The following CDX1 variants were observed in gnomAD, a reference collection of about 807,000 sequenced individuals.
CDX1 encodes homeobox protein CDX-1.
Under a neutral mutation model 16.9 loss-of-function variants are expected in CDX1, and 9 were observed. That is an observed-to-expected ratio of 0.53 (90% confidence interval 0.32 to 0.93). The LOEUF is 0.93. CDX1 is among the 40% of genes least tolerant of loss of function. The pLI, the probability that CDX1 is intolerant of heterozygous loss-of-function variation, is 0.04. For synonymous variants in CDX1, 179 were observed against 179.0 expected, an observed-to-expected ratio of 1.00 and a Z score of 0.00; for missense variants, 393 against 386.1, an observed-to-expected ratio of 1.02 and a Z score of -0.15.
In CDX1 at chr5:150,183,578, G is replaced by A. The variant is rs773465108; in HGVS notation, c.696G>A (p.Thr232=). ...PPQPPMAHDI[T]ATPAGPSLGG... is the part of the protein sequence containing the mutation. ...AGCCGCCGATGGCCCACGACATCAC[G>A]GCCACCCCAGCCGGGCCATCCCTGG... is the stretch of plus-strand genomic sequence containing the variant. The change falls in exon 3 of 3, where the codon ACG becomes ACA. Residue 232 remains threonine, a synonymous_variant. Transcript: ENST00000231656. 47 of 1,610,930 alleles carry A rather than the reference G, an allele frequency of 2.9e-5. No homozygotes were observed. Among genetic ancestry groups the A allele is most frequent in the East Asian group, 2.0e-4 (9 of 44,834 alleles).
intron 1 of CDX1, among the ~76,000 whole-genome samples, chr5:150,167,526 C>A (rs1345837625): frequency 2.6e-5 from 4 of 152,344 alleles, no homozygotes; most frequent in African/African-American, 4.8e-5. Flanking sequence ...CAGCCTAACC[C>A]TCTCTCTGTA....
chr5:150,169,021 C>G (rs1761470898), intron 1 of CDX1, among the ~76,000 whole-genome samples: 1 of 152,152 alleles, frequency 6.6e-6, no homozygotes, highest in Non-Finnish European at 1.5e-5. Flanking sequence ...TCCTGCAGTT[C>G]CCAGTCTGTG....
At chr5:150,171,146 C>A (rs1033485339) in intron 1 of CDX1, among the ~76,000 whole-genome samples, 17 of 152,130 alleles carry the variant, frequency 1.1e-4, no homozygotes, top group Admixed American at 1.0e-3. Flanking sequence ...CCCCTCCCCC[C>A]ACATTGCAGG....
intron 1 of CDX1, among the ~76,000 whole-genome samples, chr5:150,172,996 C>T (rs1025651888): frequency 1.3e-5 from 2 of 152,126 alleles, no homozygotes; most frequent in African/African-American, 4.8e-5. Context: ...GAGTCAAGGC[C>T]GTCACCATGT....
chr5:150,183,846 G>C lies in CDX1; in HGVS notation c.*166G>C. The C allele has an allele frequency of 4.1e-6, 2 of 492,636 alleles. No homozygotes were observed. Among genetic ancestry groups the C allele is most frequent in the Non-Finnish European group, 7.1e-6 (2 of 280,166 alleles). 30.5% of individuals were successfully genotyped at this position (492,636 alleles called of 1,614,324 possible). On this transcript the variant is annotated 3_prime_UTR_variant, in exon 3 of 3. Transcript: ENST00000231656. Reference sequence around the variant, plus strand: ...TCCCCTTGGCCCATCTGTGCAGTAAGCCTGTTGGATAAAGACCTTCCAGCT... The same window carrying C: ...TCCCCTTGGCCCATCTGTGCAGTAACCCTGTTGGATAAAGACCTTCCAGCT...
chr5:150,171,631 C>T (rs2282808), intron 1 of CDX1, among the ~76,000 whole-genome samples: 42,695 of 152,210 alleles, frequency 0.28, 6,290 homozygotes, highest in East Asian at 0.45. Flanking sequence ...CCACCGTGTC[C>T]GGCCTTTTAT....
intron 1 of CDX1, among the ~76,000 whole-genome samples, chr5:150,180,158 A>C (rs1761624006): frequency 6.6e-6 from 1 of 152,236 alleles, no homozygotes; most frequent in Non-Finnish European, 1.5e-5. Flanking sequence ...GGGTCTGTGG[A>C]TTCAGAGCCA....
At position 150,166,905 on chromosome 5, in the gene CDX1, A is replaced by T; in HGVS notation, c.29A>T (p.Asp10Val). MYVGYVLDK[D>V]SPVYPGPARP... The stretch of plus-strand genomic sequence containing the variant: ...TATGTGGGCTATGTGCTGGACAAGG[A>T]TTCGCCCGTGTACCCCGGCCCAGCC... Residue 10 changes from aspartate to valine, a missense_variant, in exon 1 of 3, where the codon GAT becomes GTT. Asp to Val is a radical substitution (Grantham distance 152). Coordinates refer to ENST00000231656, the MANE Select transcript of CDX1 (RefSeq NM_001804.3). 1 of 1,518,766 alleles carries T rather than the reference A, an allele frequency of 6.6e-7. No individual in the cohort carries two copies. The highest frequency in any genetic ancestry group is 8.8e-7 in the Non-Finnish European group (1 of 1,139,386). The allele number at this position is 1,518,766 out of a possible 1,614,324, so 94.1% of individuals were successfully genotyped here. A position where few individuals can be genotyped will look rare whatever the true frequency, so the allele number is the denominator to read the frequency against.
chr5:150,172,555 T>A (rs1345282801), intron 1 of CDX1, among the ~76,000 whole-genome samples: 1 of 151,902 alleles, frequency 6.6e-6, no homozygotes, highest in Non-Finnish European at 1.5e-5. Flanking sequence ...GTCTGTGAAA[T>A]AAAGACACAC....
Position 150,166,872 on chromosome 5 carries a change from C to A in CDX1, c.-5C>A, listed in dbSNP as rs1302421926. ...CCAGCATGCGCGGGGGACCCCGCGGCCACCATGTATGTGGGCTATGTGCTG... is the reference window on the plus strand; with the variant it reads ...CCAGCATGCGCGGGGGACCCCGCGGACACCATGTATGTGGGCTATGTGCTG... On this transcript the variant is annotated 5_prime_UTR_variant, in exon 1 of 3. Transcript: ENST00000231656. 6.7e-7 allele frequency: 1 copy of A among 1,482,750 alleles called. No homozygotes were observed. The allele number at this position is 1,482,750 out of a possible 1,614,324, so 91.8% of individuals were successfully genotyped here.
chr5:150,167,108 C>G lies in CDX1; in HGVS notation c.232C>G (p.Pro78Ala), dbSNP rs1378994571. ...PKDDWAAAYG[P>A]GPAAPAASPA... is the part of the protein sequence containing the mutation. ...GGACGACTGGGCCGCCGCCTACGGC[C>G]CGGGCCCCGCGGCCCCTGCCGCCAG... Residue 78 changes from proline (P) to alanine (A), a missense_variant, in exon 1 of 3, where the codon CCG becomes GCG. By Grantham distance (27) the Pro-to-Ala change is conservative. Coordinates refer to ENST00000231656, the MANE Select transcript of CDX1 (RefSeq NM_001804.3). 2 of 1,346,256 alleles carry G rather than the reference C, an allele frequency of 1.5e-6. No homozygotes were observed. The highest frequency in any genetic ancestry group is 1.9e-5 in the South Asian group (1 of 51,714). The allele number at this position is 1,346,256 out of a possible 1,614,324, so 83.4% of individuals were successfully genotyped here.
Position 150,182,835 on chromosome 5 carries a change from G to T in CDX1, c.513G>T (p.Lys171Asn), listed in dbSNP as rs768479920. The T allele has an allele frequency of 5.6e-6, 9 of 1,613,366 alleles. No individual in the cohort carries two copies. In the African/African-American group the frequency reaches 6.7e-5, roughly 12 times the overall value. Residue 171 changes from lysine to asparagine, a missense_variant, in exon 2 of 3, where the codon AAG becomes AAT. By Grantham distance (94) the Lys-to-Asn change is moderately conservative. Transcript: ENST00000231656. ...ACCACCAACGCCTGGAGCTGGAGAA[G>T]GAGTTTCATTACAGCCGTTACATCA... ...YTDHQRLELE[K>N]EFHYSRYITI...
rs536816371 is a variant in CDX1, at chr5:150,178,216, T to C, written c.446-4552T>C. ...GGGGACGGGAGTTTGCTACCTCTCA[T>C]GGTGGCCTAATCCACATGGATGGGA... is the stretch of plus-strand genomic sequence containing the variant. On this transcript the variant is annotated intron_variant, in intron 1 of 2. Transcript: ENST00000231656. Among the ~76,000 whole-genome samples, 4 of 152,294 alleles carry C rather than the reference T, an allele frequency of 2.6e-5. No individual in the cohort carries two copies. The South Asian group carries it at 8.3e-4, about 32-fold the overall frequency.
intron 1 of CDX1, among the ~76,000 whole-genome samples, chr5:150,181,600 C>T (rs1489539015): frequency 6.6e-6 from 1 of 152,120 alleles, no homozygotes; most frequent in African/African-American, 2.4e-5. Context: ...TTTCCTGTAC[C>T]TCCTTTACAC....
intron 1 of CDX1, among the ~76,000 whole-genome samples, chr5:150,178,440 T>C (rs1023575631): frequency 1.3e-5 from 2 of 152,262 alleles, no homozygotes; most frequent in African/African-American, 2.4e-5. Flanking sequence ...ACACCTGTTA[T>C]AGGAGCCTGG....
intron 1 of CDX1, among the ~76,000 whole-genome samples, chr5:150,174,065 C>A (rs2113950442): frequency 6.6e-6 from 1 of 152,332 alleles, no homozygotes; most frequent in South Asian, 2.1e-4. Flanking sequence ...ATGGCCCTAC[C>A]CTCAAAGAGC....
At chr5:150,169,820 G>A (rs1042444354) in intron 1 of CDX1, among the ~76,000 whole-genome samples, 5 of 152,196 alleles carry the variant, frequency 3.3e-5, no homozygotes, top group African/African-American at 1.2e-4. Flanking sequence ...TCCAGCATTC[G>A]AGAGTGGACA....
intron 1 of CDX1, among the ~76,000 whole-genome samples, chr5:150,170,654 C>T (rs888356299): frequency 7.9e-5 from 12 of 152,114 alleles, no homozygotes; most frequent in African/African-American, 2.7e-4. Context: ...TTGGATGGTA[C>T]CCCAACTCAC....
chr5:150,167,215 G>T lies in CDX1; in HGVS notation c.339G>T (p.Ala113=). Residue 113 remains alanine, a synonymous_variant, in exon 1 of 3, where the codon GCG becomes GCT. Coordinates refer to ENST00000231656, the MANE Select transcript of CDX1 (RefSeq NM_001804.3). The part of the protein sequence containing the change: ...APPGPGPGLL[A]QPLGGPGTPS... ...CTGGGCCCGGCCCGGGCCTCCTGGC[G>T]CAGCCCCTCGGGGGCCCGGGCACAC... The T allele has an allele frequency of 6.3e-6, 8 of 1,262,976 alleles. No individual in the cohort carries two copies. Among genetic ancestry groups the T allele is most frequent in the African/African-American group, 1.6e-5 (1 of 64,324 alleles). The allele number at this position is 1,262,976 out of a possible 1,614,324, so 78.2% of individuals were successfully genotyped here. A position where few individuals can be genotyped will look rare whatever the true frequency, so the allele number is the denominator to read the frequency against.
Sources: allele counts gnomAD v4.1 joint callset (sites outside exome capture counted in the v4.1 genomes callset), GRCh38; gene constraint gnomAD v4.1.1; transcripts MANE v1.5; gene names NCBI Gene and HGNC (gene_info 2026-07-23, HGNC 2026-07-21).